The following SCAF11 variants were observed in gnomAD, a reference collection of about 807,000 sequenced individuals.
SCAF11 encodes the protein SR-related CTD associated factor 11, also known as protein SCAF11.
In SCAF11, 47 loss-of-function variants were observed where a neutral mutation model predicts 140.5. The observed-to-expected ratio is 0.33, with a 90% CI of 0.26 to 0.43. SCAF11 has a LOEUF of 0.43. Ranked by LOEUF, SCAF11 falls within the 20% of genes least tolerant of loss-of-function variation. The pLI, the probability that SCAF11 is intolerant of heterozygous loss-of-function variation, is 1.00. For synonymous variants in SCAF11, 557 were observed against 579.4 expected (o/e 0.96, Z 0.55); for missense variants, 1,645 against 1,705.1 (o/e 0.96, Z 0.62).
At chr12:45,973,569 A>G (rs2136645858) in intron 1 of SCAF11, among the ~76,000 whole-genome samples, 1 of 152,288 alleles carries the variant, frequency 6.6e-6, no homozygotes, top group Admixed American at 6.5e-5. Context: ...GTTACAAAGG[A>G]AAACCTTGAA....
chr12:45,921,989 A>G lies in SCAF11; in HGVS notation c.*59T>C. 1 of 1,539,602 alleles carries G rather than the reference A, an allele frequency of 6.5e-7. No homozygotes were observed. Among genetic ancestry groups the G allele is most frequent in the East Asian group, 2.3e-5 (1 of 44,394 alleles). ...TTATGTATGATTTTCAGTTAATGGTACATGTTGAAATTGCACTTTGCAGAT... is the reference window on the plus strand; with the variant it reads ...TTATGTATGATTTTCAGTTAATGGTGCATGTTGAAATTGCACTTTGCAGAT... On this transcript the variant is annotated 3_prime_UTR_variant, in exon 15 of 15. Transcript: ENST00000369367.
At chr12:45,962,443 G>A (rs1214204056) in intron 2 of SCAF11, among the ~76,000 whole-genome samples, 2 of 152,154 alleles carry the variant, frequency 1.3e-5, no homozygotes, top group African/African-American at 2.4e-5. Flanking sequence ...AACTGCTAGA[G>A]TAATGTGTGT....
intron 6 of SCAF11, among the ~76,000 whole-genome samples, chr12:45,936,258 C>T (rs931086613): frequency 7.2e-5 from 11 of 151,984 alleles, no homozygotes; most frequent in Non-Finnish European, 1.3e-4. Context: ...TCTCCTGTCT[C>T]GGCCTCCTGA....
At chr12:45,951,593 G>A in intron 4 of SCAF11, 57 bp downstream of exon 4, 1 of 1,185,560 alleles carries the variant, frequency 8.4e-7, no homozygotes, top group Non-Finnish European at 1.2e-6. Flanking sequence ...GGAAATCAAA[G>A]TCAAACAGCT....
intron 3 of SCAF11, among the ~76,000 whole-genome samples, chr12:45,958,631 C>T (rs1945753938): frequency 6.6e-6 from 1 of 151,998 alleles, no homozygotes; most frequent in Non-Finnish European, 1.5e-5. Context: ...CTATGAATTC[C>T]TTGAAACTAA....
intron 12 of SCAF11, 114 bp downstream of exon 12, chr12:45,924,614 A>G: frequency 1.2e-6 from 1 of 830,734 alleles, no homozygotes; most frequent in Non-Finnish European, 1.8e-6. Flanking sequence ...CATAACTGAA[A>G]TCAAATAAAC....
chr12:45,984,761 C>G (rs1946424574), intron 1 of SCAF11, among the ~76,000 whole-genome samples: 1 of 144,302 alleles, frequency 6.9e-6, no homozygotes, highest in East Asian at 2.0e-4. Context: ...GTGTGGTGAT[C>G]TTGGCCCACT....
intron 1 of SCAF11, among the ~76,000 whole-genome samples, chr12:45,967,230 AC>A (rs1314946763): frequency 2.0e-5 from 3 of 152,118 alleles, no homozygotes; most frequent in African/African-American, 2.4e-5. Context: ...TAAAAAAAAA[AC>A]AACCTACAAT....
At chr12:45,974,899 A>G (rs186111397) in intron 1 of SCAF11, 1 of 152,448 alleles carries the variant, frequency 6.6e-6, no homozygotes, top group East Asian at 1.9e-4. Context: ...GCCTTATGAA[A>G]TGTATTTCTA....
rs1592175297 is a variant in SCAF11 at position 45,934,285 on chromosome 12, G to A, written c.523C>T (p.Pro175Ser). The A allele has an allele frequency of 3.8e-6, 6 of 1,593,652 alleles. No individual in the cohort carries two copies. Among genetic ancestry groups the A allele is most frequent in the Non-Finnish European group, 5.1e-6 (6 of 1,166,698 alleles). Residue 175 changes from proline to serine, a missense_variant and splice_region_variant, in exon 8 of 15, where the codon CCT becomes TCT. Physicochemically the swap from Pro to Ser is moderately conservative, Grantham distance 74 (BLOSUM62 -1). Coordinates refer to ENST00000369367, the MANE Select transcript of SCAF11 (RefSeq NM_004719.3). ...TTTGTACTCCAATTTGATCTCTGAGGCTAGAAAAGTAAAAAGTAGTTAGTG... is the reference window on the plus strand; with the variant it reads ...TTTGTACTCCAATTTGATCTCTGAGACTAGAAAAGTAAAAAGTAGTTAGTG... ...KKNAAIKINKPQRSNWSTNQC... is the reference protein window; with the variant it reads ...KKNAAIKINKSQRSNWSTNQC...
chr12:45,934,020 A>G (rs1427139254), intron 8 of SCAF11, among the ~76,000 whole-genome samples, 156 bp downstream of exon 8: 1 of 152,144 alleles, frequency 6.6e-6, no homozygotes. Context: ...TGCTAGAGCT[A>G]GTTTACCTTC....
In SCAF11 at chr12:45,961,212, A is replaced by T. The variant is rs1945817283; in HGVS notation, c.219+488T>A. ...TGAGATCTTGACCAAGTCATAGAAC[A>T]TAAAATCCAAGTTTCCTCATCTGTA... On this transcript the variant is annotated intron_variant, in intron 3 of 14. Transcript: ENST00000369367. 6.9e-5 allele frequency: 46 copies of T among 667,276 alleles called. No homozygotes were observed. In the South Asian group the frequency reaches 7.1e-4, roughly 10 times the overall value. The allele number at this position is 667,276 out of a possible 1,614,324, so 41.3% of individuals were successfully genotyped here.
At chr12:45,949,045 A>G (rs536129378) in intron 4 of SCAF11, among the ~76,000 whole-genome samples, 1 of 152,334 alleles carries the variant, frequency 6.6e-6, no homozygotes, top group South Asian at 2.1e-4. Flanking sequence ...GAAAATCTAC[A>G]GGCATCAGAG....
chr12:45,922,880 T>G, intron 13 of SCAF11, 56 bp downstream of exon 13: 1 of 1,494,902 alleles, frequency 6.7e-7, no homozygotes, highest in Admixed American at 1.7e-5. Flanking sequence ...AAGCTGATAT[T>G]TTTTCTCCTT....
intron 1 of SCAF11, among the ~76,000 whole-genome samples, chr12:45,987,660 T>C (rs911469095): frequency 3.3e-5 from 5 of 152,044 alleles, no homozygotes; most frequent in Admixed American, 1.3e-4. Context: ...GGAAAGGAGA[T>C]TGGAGAAAGG....
At chr12:45,934,389 C>T in intron 7 of SCAF11, 58 bp downstream of exon 7, 3 of 1,397,802 alleles carry the variant, frequency 2.1e-6, no homozygotes, top group Non-Finnish European at 3.0e-6. Flanking sequence ...TATTTATGGA[C>T]TAAATAACCC....
intron 1 of SCAF11, among the ~76,000 whole-genome samples, chr12:45,989,560 A>G (rs1946540620): frequency 1.3e-5 from 2 of 152,266 alleles, no homozygotes; most frequent in Admixed American, 1.3e-4. Flanking sequence ...TTTTGAAACA[A>G]TACTTCAAAA....
At chr12:45,983,640 T>C (rs1055347520) in intron 1 of SCAF11, among the ~76,000 whole-genome samples, 1 of 151,410 alleles carries the variant, frequency 6.6e-6, no homozygotes. Context: ...AAAAATTAGG[T>C]GAGGAAATTG....
chr12:45,935,002 G>A (rs1312494886), intron 6 of SCAF11: 3 of 152,294 alleles, frequency 2.0e-5, no homozygotes, highest in African/African-American at 2.4e-5. Flanking sequence ...CCCACTTCAG[G>A]TATGTTCTTT....
Sources: allele counts gnomAD v4.1 joint callset (sites outside exome capture counted in the v4.1 genomes callset), GRCh38; gene constraint gnomAD v4.1.1; transcripts MANE v1.5; gene names NCBI Gene and HGNC (gene_info 2026-07-23, HGNC 2026-07-21).